The following RGS14 variants were observed in gnomAD, a reference collection of about 807,000 sequenced individuals.
The protein encoded by RGS14 is regulator of G protein signaling 14.
In RGS14, 33 loss-of-function variants were observed where a neutral mutation model predicts 63.8. The ratio of observed to expected loss-of-function variants is 0.52; its 90% CI spans 0.39 to 0.69. The LOEUF (loss-of-function observed/expected upper bound fraction) is 0.69, where lower values mean the gene tolerates loss of function less well. RGS14 is among the 30% of genes least tolerant of loss of function. RGS14 has a pLI of 0.00. For synonymous variants in RGS14, 296 were observed against 320.9 expected, an observed-to-expected ratio of 0.92 and a Z score of 0.83; for missense variants, 739 against 742.9, an observed-to-expected ratio of 0.99 and a Z score of 0.06.
In RGS14 at chr5:177,371,277, G is replaced by C. The variant is rs1249307590; in HGVS notation, c.1336+31G>C. 3.1e-6 allele frequency: 5 copies of C among 1,614,030 alleles called. No homozygotes were observed. In the South Asian group the frequency reaches 4.4e-5, roughly 14 times the overall value. On this transcript the variant is annotated intron_variant, in intron 12 of 14. Transcript: ENST00000408923. The surrounding 1 kb of genome is among the most constrained non-coding windows in gnomAD (Gnocchi z 6.1). Reference sequence around the variant, plus strand: ...GGACGCTGGCCTCGGGGCTTGATCTGGAACAGCTGTGGCCCAGGAGGAAGG... The same window carrying C: ...GGACGCTGGCCTCGGGGCTTGATCTCGAACAGCTGTGGCCCAGGAGGAAGG...
At position 177,366,336 on chromosome 5, in the gene RGS14, T is replaced by C; in HGVS notation, c.227T>C (p.Leu76Pro). The part of the protein sequence containing the change: ...LSFERLLQDP[L>P]GLAYFTEFLK... Reference sequence around the variant, plus strand: ...TTCGAGCGGCTGTTGCAGGACCCGCTGGGCCTGGCTTACTTCACTGTAAGC... The same window carrying C: ...TTCGAGCGGCTGTTGCAGGACCCGCCGGGCCTGGCTTACTTCACTGTAAGC... The change falls in exon 3 of 15, where the codon CTG becomes CCG. Residue 76 changes from leucine to proline, a missense_variant. Physicochemically the swap from Leu to Pro is moderately conservative, Grantham distance 98 (BLOSUM62 -3). Coordinates refer to ENST00000408923, the MANE Select transcript of RGS14 (RefSeq NM_006480.5). 2 of 1,548,942 alleles carry C rather than the reference T, an allele frequency of 1.3e-6. No individual in the cohort carries two copies. The highest frequency in any genetic ancestry group is 1.7e-6 in the Non-Finnish European group (2 of 1,146,694).
Position 177,371,641 on chromosome 5 carries a change from G to A in RGS14, c.1498+52G>A. On this transcript the variant is annotated intron_variant, in intron 14 of 14. Transcript: ENST00000408923. The surrounding 1 kb of genome is among the most constrained non-coding windows in gnomAD (Gnocchi z 6.1). Reference sequence around the variant, plus strand: ...GAAAGACTAGGGCAGTGGGGTTGGGGACCATTCAGGGTGGCATCAGAGAGC... The same window carrying A: ...GAAAGACTAGGGCAGTGGGGTTGGGAACCATTCAGGGTGGCATCAGAGAGC... 2 of 1,553,618 alleles carry A rather than the reference G, an allele frequency of 1.3e-6. No homozygotes were observed. The highest frequency in any genetic ancestry group is 1.8e-6 in the Non-Finnish European group (2 of 1,126,094).
intron 10 of RGS14, 100 bp downstream of exon 10, chr5:177,370,764 C>T (rs1762221049): frequency 6.7e-7 from 1 of 1,503,390 alleles, no homozygotes; most frequent in Non-Finnish European, 9.0e-7. Flanking sequence ...TCGTGCTAGC[C>T]CCGCCCCTGG....
chr5:177,363,226 T>G (rs1253665064), intron 1 of RGS14, among the ~76,000 whole-genome samples: 1 of 151,806 alleles, frequency 6.6e-6, no homozygotes, highest in Non-Finnish European at 1.5e-5. Context: ...GACTTTCTCC[T>G]GTCGCCGTGG....
chr5:177,362,171 G>A (rs763336158), intron 1 of RGS14, among the ~76,000 whole-genome samples: 1 of 152,200 alleles, frequency 6.6e-6, no homozygotes, highest in Non-Finnish European at 1.5e-5. Context: ...TTCCCGAATA[G>A]CAGAGCTGGA....
At chr5:177,361,458 G>A (rs1761964332) in intron 1 of RGS14, among the ~76,000 whole-genome samples, 1 of 152,192 alleles carries the variant, frequency 6.6e-6, no homozygotes. Flanking sequence ...CCCAAGGGCT[G>A]AGGCCCTGGG....
At position 177,370,488 on chromosome 5, in the gene RGS14, G is replaced by A. The variant is rs182368266; in HGVS notation, c.1054-103G>A. 2.7e-5 allele frequency: 27 copies of A among 986,118 alleles called. No individual in the cohort carries two copies. In the African/African-American group the frequency reaches 3.5e-4, roughly 13 times the overall value. 61.1% of individuals were successfully genotyped at this position (986,118 alleles called of 1,614,324 possible). ...CACCCTCCATCCCTTCCTCTAGGAA[G>A]CCCAGTGGTGGCCATGGGAGGGCGT... On this transcript the variant is annotated intron_variant, in intron 9 of 14. Coordinates refer to ENST00000408923, the MANE Select transcript of RGS14 (RefSeq NM_006480.5).
rs1292082821 is a variant in RGS14, at chr5:177,371,133, C to T, written c.1255-32C>T. On this transcript the variant is annotated intron_variant, in intron 11 of 14. Coordinates refer to ENST00000408923, the MANE Select transcript of RGS14 (RefSeq NM_006480.5). The surrounding 1 kb of genome is among the most constrained non-coding windows in gnomAD (Gnocchi z 6.1). ...GCCGGGGCCGGGGCCGGGCGGAGGC[C>T]TGTACCGCGGGCTGCTGACCTCTCC... The T allele has an allele frequency of 1.7e-5, 27 of 1,587,240 alleles. No individual in the cohort carries two copies. Among genetic ancestry groups the T allele is most frequent in the East Asian group, 2.3e-5 (1 of 43,766 alleles).
chr5:177,360,823 G>A (rs1761948973), intron 1 of RGS14, among the ~76,000 whole-genome samples: 1 of 152,214 alleles, frequency 6.6e-6, no homozygotes, highest in African/African-American at 2.4e-5. Flanking sequence ...TAAGGCAGGA[G>A]AATTGCTTGA....
At chr5:177,361,635 T>G (rs1276837450) in intron 1 of RGS14, among the ~76,000 whole-genome samples, 1 of 152,004 alleles carries the variant, frequency 6.6e-6, no homozygotes, top group Non-Finnish European at 1.5e-5. Context: ...GGGGTAATAA[T>G]ACCTGCCACA....
rs1189487043 is a variant in RGS14, at chr5:177,371,205, G to A, written c.1295G>A (p.Ser432Asn). The A allele has an allele frequency of 3.1e-6, 5 of 1,613,754 alleles. No individual in the cohort carries two copies. Among genetic ancestry groups the A allele is most frequent in the Non-Finnish European group, 4.2e-6 (5 of 1,179,904 alleles). The change falls in exon 12 of 15, where the codon AGC becomes AAC. Residue 432 changes from serine (S) to asparagine (N), a missense_variant. By Grantham distance (46) the Ser-to-Asn change is conservative. Coordinates refer to ENST00000408923, the MANE Select transcript of RGS14 (RefSeq NM_006480.5). The surrounding 1 kb of genome is among the most constrained non-coding windows in gnomAD (Gnocchi z 6.1). ...KQPLDLGKLV[S>N]SVAAQRLVLD... ...CCTCTGGATCTGGGGAAGCTAGTGA[G>A]CTCGGTGGCGGCCCAGAGACTGGTT... is the stretch of plus-strand genomic sequence containing the variant.
At position 177,364,475 on chromosome 5, in the gene RGS14, G is replaced by GC. The variant is rs575574669; in HGVS notation, c.46-1482dup. Among the ~76,000 whole-genome samples the GC allele has an allele frequency of 6.6e-6, 1 of 152,084 alleles. No homozygotes were observed. Among genetic ancestry groups the GC allele is most frequent in the South Asian group, 2.1e-4 (1 of 4,820 alleles). ...TTGTGGGACATTTGAGGGGGGACTC[G>GC]CCCCCCTCCGCTGGGCTGCCTGGCC... On this transcript the variant is annotated intron_variant, in intron 1 of 14. Coordinates refer to ENST00000408923, the MANE Select transcript of RGS14 (RefSeq NM_006480.5). The surrounding 1 kb of genome is among the most constrained non-coding windows in gnomAD (Gnocchi z 4.6).
At position 177,372,440 on chromosome 5, in the gene RGS14, A is replaced by C; in HGVS notation, c.*365A>C. ...GAGGAGGGGCCGGCCCCTCCTCAGGAAGCTGGTATGAGTAAGGCCTTGAGG... is the reference window on the plus strand; with the variant it reads ...GAGGAGGGGCCGGCCCCTCCTCAGGCAGCTGGTATGAGTAAGGCCTTGAGG... On this transcript the variant is annotated 3_prime_UTR_variant, in exon 15 of 15. Coordinates refer to ENST00000408923, the MANE Select transcript of RGS14 (RefSeq NM_006480.5). 1 of 247,558 alleles carries C rather than the reference A, an allele frequency of 4.0e-6. No individual in the cohort carries two copies. Among genetic ancestry groups the C allele is most frequent in the Non-Finnish European group, 7.8e-6 (1 of 127,630 alleles). The allele number at this position is 247,558 out of a possible 1,614,324, so 15.3% of individuals were successfully genotyped here.
chr5:177,368,432 C>T (rs1455309875), intron 8 of RGS14, among the ~76,000 whole-genome samples, 166 bp downstream of exon 8: 6 of 152,256 alleles, frequency 3.9e-5, no homozygotes, highest in African/African-American at 1.2e-4. Context: ...ACATTGGTCC[C>T]CATATATGTC....
At chr5:177,362,019 G>C (rs1252407647) in intron 1 of RGS14, among the ~76,000 whole-genome samples, 1 of 152,138 alleles carries the variant, frequency 6.6e-6, no homozygotes, top group African/African-American at 2.4e-5. Context: ...ACCTCACTCC[G>C]CTGTGGGGTG....
chr5:177,370,794 A>G, intron 10 of RGS14, 111 bp from the exon 11 acceptor site: 2 of 1,504,794 alleles, frequency 1.3e-6, no homozygotes, highest in East Asian at 2.4e-5. Flanking sequence ...CGCCCCCTAC[A>G]AGCCAGTCCC....
In RGS14 at chr5:177,364,344, C is replaced by T. The variant is rs116151891; in HGVS notation, c.46-1619C>T. Among the ~76,000 whole-genome samples, 47 of 152,164 alleles carry T rather than the reference C, an allele frequency of 3.1e-4. No individual in the cohort carries two copies. Among genetic ancestry groups the T allele is most frequent in the African/African-American group, 9.9e-4 (41 of 41,506 alleles). On this transcript the variant is annotated intron_variant, in intron 1 of 14. Coordinates refer to ENST00000408923, the MANE Select transcript of RGS14 (RefSeq NM_006480.5). The surrounding 1 kb of genome is among the most constrained non-coding windows in gnomAD (Gnocchi z 4.6). ...GACTCAAGCCCTGATGTTGGAAGCC[C>T]GGGTGATGGGAAGAAAGATGGGGGC...
chr5:177,367,576 G>A lies in RGS14; in HGVS notation c.627+19G>A. 4.4e-6 allele frequency: 7 copies of A among 1,597,284 alleles called. No individual in the cohort carries two copies. The highest frequency in any genetic ancestry group is 6.0e-6 in the Non-Finnish European group (7 of 1,170,964). The stretch of plus-strand genomic sequence containing the variant: ...GAGGAAGGTGCGTGGGACTGGGCGA[G>A]GGACTGGGCGAGGCAGGGGGTCCTG... On this transcript the variant is annotated intron_variant, in intron 6 of 14. Transcript: ENST00000408923.
In RGS14 at chr5:177,359,448, C is replaced by T. The variant is rs527676705; in HGVS notation, c.45+1379C>T. On this transcript the variant is annotated intron_variant, in intron 1 of 14. Coordinates refer to ENST00000408923, the MANE Select transcript of RGS14 (RefSeq NM_006480.5). This position sits in a 1 kb window ranked among gnomAD's most constrained non-coding sequence, Gnocchi z 4.4. ...TAACCCCAGGCCCACCCTGGGAGGG[C>T]AACTGGATTGATGCTTCTGGGACAG... 6.6e-6 allele frequency among the ~76,000 whole-genome samples: 1 copy of T among 152,300 alleles called. No individual in the cohort carries two copies. The highest frequency in any genetic ancestry group is 6.5e-5 in the Admixed American group (1 of 15,302).
Sources: allele counts gnomAD v4.1 joint callset (sites outside exome capture counted in the v4.1 genomes callset), GRCh38; gene constraint gnomAD v4.1.1; non-coding constraint Gnocchi (gnomAD v3.1); transcripts MANE v1.5; gene names NCBI Gene and HGNC (gene_info 2026-07-23, HGNC 2026-07-21).